Variants in ERG observed in about 807,000 individuals in gnomAD.
The protein encoded by ERG is transcriptional regulator ERG.
A neutral mutation model predicts 55.3 loss-of-function variants in ERG; 9 were observed. The observed-to-expected ratio is 0.16, with a 90% CI of 0.10 to 0.28. The LOEUF (loss-of-function observed/expected upper bound fraction) is 0.28, where lower values mean the gene tolerates loss of function less well. Ranked by LOEUF, ERG falls within the 10% of genes least tolerant of loss-of-function variation. The probability of loss-of-function intolerance (pLI) is 1.00; values close to 1 mark genes in which losing one functional copy is unlikely to be tolerated. For synonymous variants in ERG, 223 were observed against 237.3 expected, an observed-to-expected ratio of 0.94 and a Z score of 0.55; for missense variants, 434 against 631.6, an observed-to-expected ratio of 0.69 and a Z score of 3.35.
At chr21:38,628,075 A>G (rs911481364) in intron 1 of ERG, among the ~76,000 whole-genome samples, 1 of 151,668 alleles carries the variant, frequency 6.6e-6, no homozygotes, top group Non-Finnish European at 1.5e-5. Flanking sequence ...CAGCCTCCTG[A>G]GTAGCTGGGG....
chr21:38,456,567 G>T (rs890052720), intron 1 of ERG, among the ~76,000 whole-genome samples: 1 of 147,756 alleles, frequency 6.8e-6, no homozygotes, highest in Non-Finnish European at 1.5e-5. Context: ...TGGTCCAGGG[G>T]TCTCCTTCTT....
chr21:38,423,501 G>T lies in ERG; in HGVS notation c.297C>A (p.Thr99=), dbSNP rs765934470. 5 of 1,614,104 alleles carry T rather than the reference G, an allele frequency of 3.1e-6. No homozygotes were observed. The highest frequency in any genetic ancestry group is 4.2e-6 in the Non-Finnish European group (5 of 1,179,978). ...TGTAGCTGCCGTAGTTCATCCCAAC[G>T]GTGTCTGGGCTGCCCACCATCTTCC... ...KGGKMVGSPD[T]VGMNYGSYME... Residue 99 remains threonine (T), a synonymous_variant, in exon 3 of 10, where the codon ACC becomes ACA. Transcript: ENST00000288319.
chr21:38,558,495 T>C (rs2059872050), intron 2 of ERG, among the ~76,000 whole-genome samples: 1 of 152,226 alleles, frequency 6.6e-6, no homozygotes, highest in South Asian at 2.1e-4. Flanking sequence ...AAATTTCTCA[T>C]CCAAAGTCAA....
intron 6 of ERG, among the ~76,000 whole-genome samples, chr21:38,397,374 C>T (rs1044641297): frequency 2.6e-5 from 4 of 151,864 alleles, no homozygotes; most frequent in Middle Eastern, 3.4e-3. Context: ...CAGAGGTGGG[C>T]GGATCACGAG....
intron 2 of ERG, among the ~76,000 whole-genome samples, chr21:38,441,109 G>A (rs1180059425): frequency 2.0e-5 from 3 of 152,302 alleles, no homozygotes; most frequent in East Asian, 3.9e-4. Flanking sequence ...AGCTCCAGCA[G>A]CAGCGGTGAA....
At chr21:38,428,379 G>A (rs986591027) in intron 2 of ERG, among the ~76,000 whole-genome samples, 4 of 151,998 alleles carry the variant, frequency 2.6e-5, no homozygotes, top group Non-Finnish European at 2.9e-5. Flanking sequence ...CTCACACATC[G>A]CCGGGAAAAA....
chr21:38,560,032 T>C (rs2059883390), intron 2 of ERG, among the ~76,000 whole-genome samples: 1 of 152,166 alleles, frequency 6.6e-6, no homozygotes. Context: ...CACTTGACAG[T>C]AGTGGGACTG....
chr21:38,500,892 ACTC>A (rs1400753982), upstream of ERG, among the ~76,000 whole-genome samples: 3 of 151,528 alleles, frequency 2.0e-5, no homozygotes, highest in East Asian at 1.9e-4. Context: ...TACAAAGGAA[ACTC>A]CTCCTCATTT....
intron 2 of ERG, among the ~76,000 whole-genome samples, chr21:38,435,585 C>T (rs1353598615): frequency 2.0e-5 from 3 of 152,176 alleles, no homozygotes; most frequent in Non-Finnish European, 4.4e-5. Context: ...CTCCCCCTTC[C>T]CTGAAGCAGT....
intron 1 of ERG, among the ~76,000 whole-genome samples, chr21:38,624,981 T>A (rs530389533): frequency 5.3e-5 from 8 of 150,528 alleles, no homozygotes; most frequent in African/African-American, 1.9e-4. Flanking sequence ...AATGAATAAA[T>A]GTATGAAATT....
the ERG span, among the ~76,000 whole-genome samples, chr21:38,373,031 G>T: frequency 6.6e-6 from 1 of 151,996 alleles, no homozygotes; most frequent in Non-Finnish European, 1.5e-5. Flanking sequence ...AAAGTCTTCT[G>T]GTCCTCAGTG....
intron 3 of ERG, among the ~76,000 whole-genome samples, chr21:38,412,449 G>A (rs1292868466): frequency 6.6e-6 from 1 of 151,996 alleles, no homozygotes. Context: ...ACATGACAAT[G>A]TTCCCTCATA....
chr21:38,382,211 A>C lies in ERG; in HGVS notation c.*1192T>G. On this transcript the variant is annotated 3_prime_UTR_variant, in exon 10 of 10. Coordinates refer to ENST00000288319, the MANE Select transcript of ERG (RefSeq NM_182918.4). Reference sequence around the variant, plus strand: ...TCAACTCGTAGTGTATAAATGCATAAGTTATATAATTATTATATAAAAAGG... The same window carrying C: ...TCAACTCGTAGTGTATAAATGCATACGTTATATAATTATTATATAAAAAGG... 1 of 1,047,680 alleles carries C rather than the reference A, an allele frequency of 9.5e-7. No homozygotes were observed. Among genetic ancestry groups the C allele is most frequent in the African/African-American group, 1.7e-5 (1 of 60,224 alleles). The allele number at this position is 1,047,680 out of a possible 1,614,324, so 64.9% of individuals were successfully genotyped here. A position where few individuals can be genotyped will look rare whatever the true frequency, so the allele number is the denominator to read the frequency against.
At chr21:38,555,252 G>C (rs574838650) in intron 2 of ERG, among the ~76,000 whole-genome samples, 3 of 151,870 alleles carry the variant, frequency 2.0e-5, no homozygotes, top group Non-Finnish European at 4.4e-5. Flanking sequence ...GCTTGAGCCC[G>C]GGAGACGGAG....
At chr21:38,373,174 A>G in the ERG span, among the ~76,000 whole-genome samples, 2 of 152,222 alleles carry the variant, frequency 1.3e-5, no homozygotes, top group Non-Finnish European at 2.9e-5. Flanking sequence ...AATTCCTGTA[A>G]GTATCCAGGA....
At chr21:38,477,007 CTTTTTTTTTTT>C (rs397867221) in intron 1 of ERG, among the ~76,000 whole-genome samples, 3 of 84,156 alleles carry the variant, frequency 3.6e-5, no homozygotes, top group South Asian at 5.1e-4. Flanking sequence ...TCTTTCTTTC[CTTTTTTTTTTT>C]TTTTTTTTTT....
chr21:38,625,036 G>C (rs908042237), intron 1 of ERG, among the ~76,000 whole-genome samples: 3 of 152,088 alleles, frequency 2.0e-5, no homozygotes, highest in African/African-American at 7.2e-5. Context: ...TGTCCCAAAA[G>C]ACAATGTGCT....
Position 38,629,206 on chromosome 21 carries a change from T to A in ERG, c.-150+32452A>T, listed in dbSNP as rs192904922. Among the ~76,000 whole-genome samples the A allele has an allele frequency of 5.7e-3, 862 of 152,262 alleles. 6 individuals carry two copies. Among genetic ancestry groups the A allele is most frequent in the African/African-American group, 0.019 (784 of 41,544 alleles). ...AGGCCAGGAGACATAAGCTCCTCCA[T>A]CCCTGGTTCTTTCTCCAGGGAAGTA... On this transcript the variant is annotated intron_variant, in intron 1 of 10. Coordinates refer to the ERG transcript ENST00000398910.
chr21:38,471,217 A>G (rs1325721966), intron 1 of ERG: 1 of 152,200 alleles, frequency 6.6e-6, no homozygotes, highest in Non-Finnish European at 1.5e-5. Context: ...TAAGGAAATG[A>G]CCACTTCTTG....
Sources: gnomAD v4.1 joint callset for allele counts (sites outside exome capture counted in the v4.1 genomes callset) on GRCh38, gnomAD v4.1.1 for gene constraint, MANE v1.5 for transcripts, NCBI Gene and HGNC (gene_info 2026-07-23, HGNC 2026-07-21) for gene names.